Variants in AKAP6 observed in about 807,000 individuals in gnomAD.
The protein encoded by AKAP6 is A-kinase anchor protein 6.
Under a neutral mutation model 188.5 loss-of-function variants are expected in AKAP6, and 58 were observed. That is an observed-to-expected ratio of 0.31 (90% CI 0.25 to 0.38). AKAP6 has a LOEUF of 0.38. AKAP6 is among the 10% of genes least tolerant of loss of function. AKAP6 has a pLI of 1.00. For missense variants in AKAP6, 2,710 were observed against 2,740.0 expected, an observed-to-expected ratio of 0.99 and a Z score of 0.24; for synonymous variants, 989 against 998.6, an observed-to-expected ratio of 0.99 and a Z score of 0.18.
intron 12 of AKAP6, among the ~76,000 whole-genome samples, chr14:32,813,264 C>T (rs2383378): frequency 3.9e-5 from 6 of 152,060 alleles, no homozygotes; most frequent in South Asian, 4.1e-4. Flanking sequence ...GGTAAGGGGG[C>T]GGGCAAAGCT....
At chr14:32,801,443 A>G (rs1259687528) in intron 12 of AKAP6, among the ~76,000 whole-genome samples, 1 of 152,086 alleles carries the variant, frequency 6.6e-6, no homozygotes, top group Non-Finnish European at 1.5e-5. Context: ...CCTCCCTCCC[A>G]TTTCTTACAA....
intron 11 of AKAP6, among the ~76,000 whole-genome samples, chr14:32,741,018 C>CTTTTTTTT (rs765988445): frequency 4.4e-5 from 6 of 136,740 alleles, no homozygotes; most frequent in Admixed American, 7.2e-5. Context: ...TTCCTTTTTT[C>CTTTTTTTT]TTTTTTTTTT....
chr14:32,676,378 C>G (rs1396905004), intron 7 of AKAP6, among the ~76,000 whole-genome samples: 1 of 152,050 alleles, frequency 6.6e-6, no homozygotes. Flanking sequence ...ATTATTCTTT[C>G]AGGTTTCATG....
chr14:32,756,484 G>T (rs1284477757), intron 11 of AKAP6, among the ~76,000 whole-genome samples: 1 of 151,950 alleles, frequency 6.6e-6, no homozygotes, highest in African/African-American at 2.4e-5. Context: ...GGAGCCTAAG[G>T]CAACAGTGAC....
chr14:32,688,166 C>T (rs144489433), intron 8 of AKAP6, among the ~76,000 whole-genome samples: 119 of 151,348 alleles, frequency 7.9e-4, no homozygotes, highest in African/African-American at 2.4e-3. Flanking sequence ...ACACACCACA[C>T]ACACACGTCT....
chr14:32,506,498 T>A (rs1362938436), intron 2 of AKAP6, among the ~76,000 whole-genome samples: 2 of 152,148 alleles, frequency 1.3e-5, no homozygotes, highest in African/African-American at 4.8e-5. Context: ...CATTTGCTAC[T>A]CTTTGTAGTC....
intron 12 of AKAP6, among the ~76,000 whole-genome samples, chr14:32,807,213 T>G (rs907552911): frequency 2.0e-5 from 3 of 150,714 alleles, no homozygotes; most frequent in African/African-American, 7.3e-5. Context: ...CCAGGCATGG[T>G]GGCACAAGAG....
chr14:32,638,356 A>G (rs1404866552), intron 7 of AKAP6, among the ~76,000 whole-genome samples: 1 of 152,114 alleles, frequency 6.6e-6, no homozygotes, highest in Non-Finnish European at 1.5e-5. Context: ...CCTGTGGCCT[A>G]ACGGACAATA....
chr14:32,521,546 G>A (rs1181404661), intron 2 of AKAP6, among the ~76,000 whole-genome samples: 1 of 152,150 alleles, frequency 6.6e-6, no homozygotes, highest in Non-Finnish European at 1.5e-5. Flanking sequence ...ACCACTAACA[G>A]ACAAACAGAG....
intron 7 of AKAP6, among the ~76,000 whole-genome samples, chr14:32,608,499 CA>C (rs34523121): frequency 0.018 from 1,923 of 104,998 alleles, 26 homozygotes; most frequent in African/African-American, 0.061. Flanking sequence ...GAGTCTGTCT[CA>C]AAAAAAAAAA....
intron 11 of AKAP6, among the ~76,000 whole-genome samples, chr14:32,765,855 G>C (rs2032701887): frequency 6.6e-6 from 1 of 152,052 alleles, no homozygotes; most frequent in South Asian, 2.1e-4. Flanking sequence ...TAAATTCTCT[G>C]ATTGTATAAT....
chr14:32,611,701 G>C (rs564519675), intron 7 of AKAP6, among the ~76,000 whole-genome samples: 1 of 152,284 alleles, frequency 6.6e-6, no homozygotes, highest in African/African-American at 2.4e-5. Flanking sequence ...CTGTTGCCCA[G>C]AATGCTGGCA....
At chr14:32,544,536 G>A (rs1390141185) in intron 3 of AKAP6, among the ~76,000 whole-genome samples, 1 of 152,120 alleles carries the variant, frequency 6.6e-6, no homozygotes, top group Non-Finnish European at 1.5e-5. Flanking sequence ...TTAACAGCTC[G>A]CAAACACCAG....
intron 12 of AKAP6, among the ~76,000 whole-genome samples, chr14:32,795,879 A>G (rs925442433): frequency 1.2e-4 from 18 of 152,360 alleles, no homozygotes; most frequent in Non-Finnish European, 2.4e-4. Context: ...CTATACCTAG[A>G]GAACCCCATC....
At chr14:32,793,940 C>G (rs1170563637) in intron 12 of AKAP6, among the ~76,000 whole-genome samples, 1 of 152,030 alleles carries the variant, frequency 6.6e-6, no homozygotes, top group African/African-American at 2.4e-5. Context: ...GTAGACAGAT[C>G]ATTGAGACAG....
chr14:32,624,099 G>A (rs528921722), intron 7 of AKAP6, among the ~76,000 whole-genome samples: 1 of 152,210 alleles, frequency 6.6e-6, no homozygotes, highest in East Asian at 1.9e-4. Context: ...AGAGATCTTG[G>A]TAAGTAAAAA....
intron 1 of AKAP6, among the ~76,000 whole-genome samples, chr14:32,358,907 T>C (rs1887568642): frequency 1.3e-5 from 2 of 152,186 alleles, no homozygotes; most frequent in Admixed American, 6.5e-5. Flanking sequence ...GGTAAAACGC[T>C]GCATCAGAGC....
At chr14:32,490,100 C>A (rs527944235) in intron 2 of AKAP6, among the ~76,000 whole-genome samples, 93 of 151,592 alleles carry the variant, frequency 6.1e-4, no homozygotes, top group Middle Eastern at 3.4e-3. Flanking sequence ...TTACAAAGAA[C>A]CTTCTTAAGG....
intron 2 of AKAP6, among the ~76,000 whole-genome samples, chr14:32,491,596 T>A (rs1880018643): frequency 6.6e-6 from 1 of 152,226 alleles, no homozygotes; most frequent in Non-Finnish European, 1.5e-5. Flanking sequence ...ACTACCCCTT[T>A]CCAGCATATG....
Sources: gnomAD v4.1 joint callset for allele counts (sites outside exome capture counted in the v4.1 genomes callset) on GRCh38, gnomAD v4.1.1 for gene constraint, MANE v1.5 for transcripts, NCBI Gene and HGNC (gene_info 2026-07-23, HGNC 2026-07-21) for gene names.